The following SEL1L3 variants were observed in gnomAD, a reference collection of about 807,000 sequenced individuals.
The protein encoded by SEL1L3 is protein sel-1 homolog 3.
Under a neutral mutation model 142.8 loss-of-function variants are expected in SEL1L3, and 76 were observed. The observed-to-expected ratio is 0.53, with a 90% CI of 0.44 to 0.64. The LOEUF is 0.64. Ranked by LOEUF, SEL1L3 falls within the 30% of genes least tolerant of loss-of-function variation. The pLI, the probability that SEL1L3 is intolerant of heterozygous loss-of-function variation, is 0.00. For synonymous variants in SEL1L3, 504 were observed against 519.6 expected (o/e 0.97, Z 0.41); for missense variants, 1,262 against 1,381.7 (o/e 0.91, Z 1.37).
intron 1 of SEL1L3, chr4:25,861,807 T>G (rs1422751017): frequency 6.6e-6 from 1 of 152,200 alleles, no homozygotes; most frequent in East Asian, 1.9e-4. Context: ...AAATTTACTA[T>G]TGTTTAGGAG....
rs766685096 is a variant in SEL1L3 at position 25,835,346 on chromosome 4, C to T, written c.734-23G>A. The T allele has an allele frequency of 3.1e-6, 5 of 1,611,816 alleles. No homozygotes were observed. The Admixed American group carries it at 6.7e-5, about 22-fold the overall frequency. On this transcript the variant is annotated intron_variant, in intron 2 of 23. Transcript: ENST00000399878. The stretch of plus-strand genomic sequence containing the variant: ...CATCTGCAAACAGCAAAATGGCTCC[C>T]TTTCAATTATATCCAGAAAAACATT...
intron 16 of SEL1L3, chr4:25,777,846 G>C (rs758054092): frequency 4.4e-6 from 2 of 456,012 alleles, no homozygotes; most frequent in Non-Finnish European, 8.8e-6. Flanking sequence ...GGAGAGCCAG[G>C]GTATCAGTGT....
intron 1 of SEL1L3, among the ~76,000 whole-genome samples, chr4:25,860,045 A>C (rs527781036): frequency 1.3e-5 from 2 of 152,318 alleles, no homozygotes; most frequent in African/African-American, 4.8e-5. Flanking sequence ...GGAGGGAGAC[A>C]GATTTGGGTT....
upstream of SEL1L3, chr4:25,863,287 A>T: frequency 2.6e-5 from 5 of 194,496 alleles, no homozygotes; most frequent in East Asian, 5.3e-4. Flanking sequence ...GCTCTCTGCG[A>T]TCCCCCTCCT....
intron 20 of SEL1L3, among the ~76,000 whole-genome samples, chr4:25,762,812 T>A (rs557381079): frequency 3.5e-4 from 53 of 152,198 alleles, no homozygotes; most frequent in African/African-American, 1.2e-3. Flanking sequence ...ACCCCGTTTC[T>A]ACTAAAAACA....
At position 25,833,497 on chromosome 4, in the gene SEL1L3, A is replaced by G. The variant is rs780576964; in HGVS notation, c.933T>C (p.Val311=). 6 of 1,613,198 alleles carry G rather than the reference A, an allele frequency of 3.7e-6. No homozygotes were observed. Among genetic ancestry groups the G allele is most frequent in the Non-Finnish European group, 4.2e-6 (5 of 1,179,220 alleles). Residue 311 remains valine (V), a synonymous_variant, in exon 4 of 24, where the codon GTT becomes GTC. Transcript: ENST00000399878. ...GTGTGCCGTACATCTCATTAGAGTC[A>G]ACAAAGTACAGAATCCCACAGAGGT... ...KANLCGILYF[V]DSNEMYGTPS...
chr4:25,806,339 ATGT>A (rs1380599068), intron 9 of SEL1L3, among the ~76,000 whole-genome samples: 2 of 151,096 alleles, frequency 1.3e-5, no homozygotes, highest in South Asian at 2.1e-4. Context: ...GCCCGGCAAA[ATGT>A]TTTTTTTTTT....
chr4:25,738,092 T>C, the SEL1L3 span, among the ~76,000 whole-genome samples: 1,715 of 152,292 alleles, frequency 0.011, 33 homozygotes, highest in African/African-American at 0.04. Context: ...TTTCACCACG[T>C]TGGCCAGGCT....
the SEL1L3 span, chr4:25,719,829 A>C: frequency 3.1e-4 from 47 of 152,324 alleles, no homozygotes; most frequent in African/African-American, 1.0e-3. Context: ...GCAGCTTCGC[A>C]GACAGCAAAT....
chr4:25,725,179 G>A, the SEL1L3 span, among the ~76,000 whole-genome samples: 8 of 152,270 alleles, frequency 5.3e-5, no homozygotes, highest in Middle Eastern at 3.4e-3. Flanking sequence ...CTAAGACAGG[G>A]TTCTTGGATC....
chr4:25,813,115 C>T (rs1453846673), intron 9 of SEL1L3, among the ~76,000 whole-genome samples: 2 of 152,198 alleles, frequency 1.3e-5, no homozygotes, highest in Admixed American at 6.5e-5. Flanking sequence ...AAGGGTCCAG[C>T]TGCTGTGGAA....
chr4:25,858,882 C>T (rs1344547868), intron 1 of SEL1L3, among the ~76,000 whole-genome samples: 1 of 152,216 alleles, frequency 6.6e-6, no homozygotes, highest in African/African-American at 2.4e-5. Flanking sequence ...CCGCGCCCAG[C>T]CTCTGTGCTG....
chr4:25,756,123 A>G lies in SEL1L3; in HGVS notation c.3259+1411T>C, dbSNP rs1717941388. 9 of 985,434 alleles carry G rather than the reference A, an allele frequency of 9.1e-6. No individual in the cohort carries two copies. The South Asian group carries it at 4.2e-4, about 46-fold the overall frequency. 61.0% of individuals were successfully genotyped at this position (985,434 alleles called of 1,614,324 possible). A position where few individuals can be genotyped will look rare whatever the true frequency, so the allele number is the denominator to read the frequency against. ...ACGTGCACCCCTTTCACTTTCCATT[A>G]TCTGCTACAGAAATAACAGCTACGC... is the stretch of plus-strand genomic sequence containing the variant. On this transcript the variant is annotated intron_variant, in intron 23 of 23. Coordinates refer to ENST00000399878, the MANE Select transcript of SEL1L3 (RefSeq NM_015187.5).
chr4:25,828,710 T>C (rs1715252736), intron 6 of SEL1L3, among the ~76,000 whole-genome samples: 1 of 152,124 alleles, frequency 6.6e-6, no homozygotes, highest in African/African-American at 2.4e-5. Flanking sequence ...TTTATTTTTT[T>C]TAAGTAGCAT....
intron 6 of SEL1L3, among the ~76,000 whole-genome samples, chr4:25,822,709 T>G (rs921391692): frequency 1.3e-5 from 2 of 151,882 alleles, no homozygotes; most frequent in Non-Finnish European, 2.9e-5. Flanking sequence ...AGATGAGAGG[T>G]GAGCACAGGT....
chr4:25,729,621 G>A, the SEL1L3 span, among the ~76,000 whole-genome samples: 4 of 152,216 alleles, frequency 2.6e-5, no homozygotes, highest in African/African-American at 9.6e-5. Flanking sequence ...GGCTGAGGCA[G>A]GAGAATCGCT....
intron 1 of SEL1L3, among the ~76,000 whole-genome samples, chr4:25,851,565 T>G (rs1716900970): frequency 6.6e-6 from 1 of 151,940 alleles, no homozygotes; most frequent in African/African-American, 2.4e-5. Context: ...CAATTTTTTT[T>G]TAAGTAGGTG....
chr4:25,844,984 A>T (rs1264135526), intron 2 of SEL1L3, among the ~76,000 whole-genome samples: 1 of 152,212 alleles, frequency 6.6e-6, no homozygotes, highest in Non-Finnish European at 1.5e-5. Context: ...ACAAATGCAG[A>T]ATAAACCAGA....
intron 20 of SEL1L3, among the ~76,000 whole-genome samples, chr4:25,763,600 C>A (rs1718523460): frequency 6.6e-6 from 1 of 152,152 alleles, no homozygotes. Flanking sequence ...GTAATCCCAG[C>A]ACCTTGGGAG....
Sources: gnomAD v4.1 joint callset for allele counts (sites outside exome capture counted in the v4.1 genomes callset) on GRCh38, gnomAD v4.1.1 for gene constraint, MANE v1.5 for transcripts, NCBI Gene and HGNC (gene_info 2026-07-23, HGNC 2026-07-21) for gene names.